Variants in OTOGL observed in about 807,000 individuals in gnomAD.
OTOGL encodes otogelin-like protein.
A neutral mutation model predicts 318.5 loss-of-function variants in OTOGL; 285 were observed. The ratio of observed to expected loss-of-function variants is 0.89; its 90% confidence interval spans 0.81 to 0.99. The LOEUF (loss-of-function observed/expected upper bound fraction) is 0.99, where lower values mean the gene tolerates loss of function less well. Ranked by LOEUF, OTOGL falls within the 50% of genes least tolerant of loss-of-function variation. The pLI, the probability that OTOGL is intolerant of heterozygous loss-of-function variation, is 0.00. For missense variants in OTOGL, 2,899 were observed against 2,845.6 expected, an observed-to-expected ratio of 1.02 and a Z score of -0.43; for synonymous variants, 987 against 936.5, an observed-to-expected ratio of 1.05 and a Z score of -0.99.
At chr12:80,352,769 T>G (rs538526580) in intron 45 of OTOGL, among the ~76,000 whole-genome samples, 1 of 152,242 alleles carries the variant, frequency 6.6e-6, no homozygotes, top group Non-Finnish European at 1.5e-5. Flanking sequence ...TTATACCATT[T>G]ATAACCCCAC....
chr12:80,311,522 A>C (rs558504886), intron 30 of OTOGL, among the ~76,000 whole-genome samples: 1 of 152,110 alleles, frequency 6.6e-6, no homozygotes, highest in Non-Finnish European at 1.5e-5. Flanking sequence ...TCCTGGATTC[A>C]AGCGATTCTC....
At chr12:80,365,649 C>G (rs1890482095) in intron 52 of OTOGL, among the ~76,000 whole-genome samples, 1 of 151,858 alleles carries the variant, frequency 6.6e-6, no homozygotes, top group South Asian at 2.1e-4. Flanking sequence ...ATTTCCAGTC[C>G]CATTGGAATT....
intron 26 of OTOGL, 33 bp downstream of exon 26, chr12:80,279,199 C>A: frequency 1.3e-6 from 2 of 1,552,404 alleles, no homozygotes; most frequent in South Asian, 1.2e-5. Flanking sequence ...TATTTGCATT[C>A]GTGTAAAGAT....
intron 1 of OTOGL, among the ~76,000 whole-genome samples, chr12:80,136,038 C>A (rs1424065187): frequency 1.3e-5 from 2 of 152,198 alleles, no homozygotes; most frequent in South Asian, 2.1e-4. Flanking sequence ...TTATAATAAA[C>A]CTCTTCATGT....
intron 16 of OTOGL, 38 bp downstream of exon 16, chr12:80,255,223 C>T: frequency 7.4e-7 from 1 of 1,357,822 alleles, no homozygotes. Context: ...AATATGGATT[C>T]ACTGATTTTT....
chr12:80,199,181 A>G (rs560442011), intron 1 of OTOGL, among the ~76,000 whole-genome samples: 5 of 152,220 alleles, frequency 3.3e-5, no homozygotes, highest in Non-Finnish European at 4.4e-5. Flanking sequence ...GCCTTGTGCA[A>G]TTCTCTCCCT....
chr12:80,223,147 T>C (rs1233749065), intron 7 of OTOGL, among the ~76,000 whole-genome samples: 1 of 152,130 alleles, frequency 6.6e-6, no homozygotes, highest in African/African-American at 2.4e-5. Context: ...TGGTTTTCTA[T>C]TCCCAAGTTA....
chr12:80,130,438 T>G (rs984779294), intron 1 of OTOGL, among the ~76,000 whole-genome samples: 4 of 152,212 alleles, frequency 2.6e-5, no homozygotes, highest in Non-Finnish European at 4.4e-5. Context: ...GAGGTTGGAA[T>G]GGAGCCAATG....
At chr12:80,127,851 A>C (rs1246132640) in intron 1 of OTOGL, among the ~76,000 whole-genome samples, 4 of 152,276 alleles carry the variant, frequency 2.6e-5, no homozygotes, top group African/African-American at 7.2e-5. Flanking sequence ...AGGCTTGTGC[A>C]TGCATCACGT....
chr12:80,370,484 A>G, intron 55 of OTOGL, 86 bp from the exon 56 acceptor site: 1 of 1,176,282 alleles, frequency 8.5e-7, no homozygotes, highest in Non-Finnish European at 1.1e-6. Context: ...TCTTGATTTG[A>G]CTTTTTATTC....
At chr12:80,176,162 A>G (rs1874510616) in intron 1 of OTOGL, among the ~76,000 whole-genome samples, 1 of 152,192 alleles carries the variant, frequency 6.6e-6, no homozygotes, top group East Asian at 1.9e-4. Context: ...AGAAGTTTTC[A>G]GGCTTTACTG....
chr12:80,331,333 ATTTTTTTTTT>A lies in OTOGL; in HGVS notation c.4349-1656_4349-1647del, dbSNP rs386377119. ...ACCACTGAACTTCCCAGTCATTAGA[ATTTTTTTTTT>A]TTTTTTTTTTTTTTTGAGGTGGAGT... On this transcript the variant is annotated intron_variant, in intron 37 of 58. Coordinates refer to ENST00000547103, the MANE Select transcript of OTOGL (RefSeq NM_001378609.3). Among the ~76,000 whole-genome samples, 697 of 81,854 alleles carry A rather than the reference ATTTTTTTTTT, an allele frequency of 8.5e-3. 6 individuals carry two copies. Among genetic ancestry groups the A allele is most frequent in the African/African-American group, 0.031 (663 of 21,048 alleles). 53.7% of individuals were successfully genotyped at this position (81,854 alleles called of 152,430 possible).
intron 29 of OTOGL, among the ~76,000 whole-genome samples, chr12:80,307,432 G>A (rs1183885544): frequency 8.6e-4 from 128 of 149,400 alleles, no homozygotes; most frequent in South Asian, 1.1e-3. Context: ...TGGCCAGACG[G>A]GGGGCTGACC....
chr12:80,309,204 G>T (rs1236365940), intron 29 of OTOGL, among the ~76,000 whole-genome samples: 1 of 152,112 alleles, frequency 6.6e-6, no homozygotes, highest in Non-Finnish European at 1.5e-5. Flanking sequence ...ATAAATCACA[G>T]TCTTTGCCTT....
chr12:80,168,616 A>G (rs1021430390), intron 1 of OTOGL, among the ~76,000 whole-genome samples: 3 of 152,218 alleles, frequency 2.0e-5, no homozygotes, highest in African/African-American at 4.8e-5. Context: ...GAAAAATATG[A>G]GTTACTTTGT....
At chr12:80,292,241 G>T (rs1431042563) in intron 26 of OTOGL, among the ~76,000 whole-genome samples, 1 of 152,118 alleles carries the variant, frequency 6.6e-6, no homozygotes, top group Non-Finnish European at 1.5e-5. Context: ...GCCTGCCTCG[G>T]CCTCCCAAAT....
At chr12:80,298,625 G>T (rs912054735) in intron 27 of OTOGL, among the ~76,000 whole-genome samples, 1 of 152,154 alleles carries the variant, frequency 6.6e-6, no homozygotes, top group Non-Finnish European at 1.5e-5. Context: ...GAGGGAGTAG[G>T]GTGGCAATCA....
At chr12:80,230,664 G>A (rs1042504781) in intron 8 of OTOGL, among the ~76,000 whole-genome samples, 1 of 152,140 alleles carries the variant, frequency 6.6e-6, no homozygotes, top group African/African-American at 2.4e-5. Flanking sequence ...TTCTTATTCA[G>A]CAATATTGCT....
At chr12:80,241,154 T>C (rs1156834803) in intron 11 of OTOGL, among the ~76,000 whole-genome samples, 1 of 152,102 alleles carries the variant, frequency 6.6e-6, no homozygotes, top group Non-Finnish European at 1.5e-5. Flanking sequence ...TATGAAATTG[T>C]GTTGTTTATA....
Sources: allele counts gnomAD v4.1 joint callset (sites outside exome capture counted in the v4.1 genomes callset), GRCh38; gene constraint gnomAD v4.1.1; transcripts MANE v1.5; gene names NCBI Gene and HGNC (gene_info 2026-07-23, HGNC 2026-07-21).